MEIKIN: variants seen among roughly 807,000 people sequenced by gnomAD.
MEIKIN encodes meiosis-specific kinetochore protein.
chr5:131,932,679 T>C (rs971122666), intron 5 of MEIKIN, among the ~76,000 whole-genome samples: 2 of 152,192 alleles, frequency 1.3e-5, no homozygotes, highest in African/African-American at 4.8e-5. Context: ...TACCACAGTA[T>C]CCCTGCTATT....
At chr5:131,940,747 G>T (rs1016384051) in intron 4 of MEIKIN, among the ~76,000 whole-genome samples, 4 of 152,038 alleles carry the variant, frequency 2.6e-5, no homozygotes, top group African/African-American at 9.7e-5. Flanking sequence ...GGTGACATGG[G>T]GGCACTGCCC....
At chr5:131,809,098 T>C (rs528477503) in intron 12 of MEIKIN, among the ~76,000 whole-genome samples, 5 of 152,196 alleles carry the variant, frequency 3.3e-5, no homozygotes, top group East Asian at 1.9e-4. Context: ...TATACCTCTA[T>C]TGGGCTTGTT....
At chr5:131,822,274 G>A (rs781581279) in intron 11 of MEIKIN, among the ~76,000 whole-genome samples, 1 of 151,784 alleles carries the variant, frequency 6.6e-6, no homozygotes, top group Non-Finnish European at 1.5e-5. Context: ...GGAGAGTTTA[G>A]TCCATTTACA....
chr5:131,901,320 GCA>G (rs1751153607), intron 8 of MEIKIN, among the ~76,000 whole-genome samples: 2 of 152,056 alleles, frequency 1.3e-5, no homozygotes, highest in South Asian at 2.1e-4. Context: ...TGTACAGATG[GCA>G]CACAGAGTCC....
intron 8 of MEIKIN, among the ~76,000 whole-genome samples, chr5:131,885,697 T>G (rs1375212118): frequency 1.3e-5 from 2 of 152,110 alleles, no homozygotes; most frequent in Non-Finnish European, 2.9e-5. Context: ...AAGAAATAGC[T>G]AACTCTTCAG....
chr5:131,913,275 G>A (rs1751359665), intron 7 of MEIKIN, among the ~76,000 whole-genome samples: 2 of 152,196 alleles, frequency 1.3e-5, no homozygotes, highest in Admixed American at 6.5e-5. Flanking sequence ...TCCCTTTCAA[G>A]ATGATCATAA....
In MEIKIN at chr5:131,941,283, C is replaced by T. The variant is rs1166471544; in HGVS notation, c.349+1352G>A. Among the ~76,000 whole-genome samples the T allele has an allele frequency of 2.1e-5, 3 of 145,988 alleles. No individual in the cohort carries two copies. In the East Asian group the frequency reaches 5.9e-4, roughly 29 times the overall value. On this transcript the variant is annotated intron_variant, in intron 4 of 12. Transcript: ENST00000442687. ...AAGCGATTCTCTTGTCTCAGCCTCCCGAGTAGCTGGGATTACAGGCGCCTG... is the reference window on the plus strand; with the variant it reads ...AAGCGATTCTCTTGTCTCAGCCTCCTGAGTAGCTGGGATTACAGGCGCCTG...
rs554387684 is a variant in MEIKIN, at chr5:131,839,062, CATT to C, written c.975+12199_975+12201del. ...TTCTGGCATGTTTTATCTTTGTTCT[CATT>C]AGTTTCAAAGAACTTCTTGATTTCT... On this transcript the variant is annotated intron_variant, in intron 11 of 12. Transcript: ENST00000442687. 4.7e-3 allele frequency among the ~76,000 whole-genome samples: 722 copies of C among 152,284 alleles called. 4 individuals carry two copies. The highest frequency in any genetic ancestry group is 0.016 in the African/African-American group (685 of 41,568).
At chr5:131,875,548 TC>T (rs1159239899) in intron 9 of MEIKIN, among the ~76,000 whole-genome samples, 8 of 151,876 alleles carry the variant, frequency 5.3e-5, no homozygotes, top group African/African-American at 1.9e-4. Flanking sequence ...ATAATCAATA[TC>T]GTGAAAATGG....
intron 4 of MEIKIN, among the ~76,000 whole-genome samples, chr5:131,938,077 T>C (rs1048696292): frequency 6.6e-6 from 1 of 152,166 alleles, no homozygotes; most frequent in Non-Finnish European, 1.5e-5. Context: ...GTTAGAATCA[T>C]TGGACTCATC....
intron 8 of MEIKIN, among the ~76,000 whole-genome samples, chr5:131,892,533 A>G (rs998563744): frequency 2.0e-5 from 3 of 152,210 alleles, no homozygotes; most frequent in East Asian, 1.9e-4. Flanking sequence ...TGCATTCGTC[A>G]CGTAGTTCTT....
chr5:131,893,259 G>T (rs763310478), intron 8 of MEIKIN, among the ~76,000 whole-genome samples: 1 of 143,142 alleles, frequency 7.0e-6, no homozygotes, highest in Non-Finnish European at 1.5e-5. Context: ...CTTCCCAGCC[G>T]CTTTGTTTAC....
At position 131,827,889 on chromosome 5, in the gene MEIKIN, T is replaced by C. The variant is rs1749642219; in HGVS notation, c.976-9026A>G. 2.0e-5 allele frequency among the ~76,000 whole-genome samples: 3 copies of C among 152,074 alleles called. No individual in the cohort carries two copies. The Middle Eastern group carries it at 0.01, about 517-fold the overall frequency. On this transcript the variant is annotated intron_variant, in intron 11 of 12. Coordinates refer to ENST00000442687, the MANE Select transcript of MEIKIN (RefSeq NM_001303622.2). ...GGCTGTATTGCAACTATCAATAAAT[T>C]CCAAAATAATTTGCCAGGCATGGTG...
intron 8 of MEIKIN, among the ~76,000 whole-genome samples, chr5:131,910,282 A>C: frequency 6.6e-6 from 1 of 152,308 alleles, no homozygotes; most frequent in Middle Eastern, 3.4e-3. Context: ...CATGAATGAA[A>C]CTGAAGGTCA....
intron 8 of MEIKIN, among the ~76,000 whole-genome samples, chr5:131,898,642 C>T (rs899352827): frequency 2.0e-5 from 3 of 152,246 alleles, no homozygotes; most frequent in African/African-American, 7.2e-5. Context: ...GCGGAAGGCC[C>T]TCCCCATGCC....
intron 11 of MEIKIN, among the ~76,000 whole-genome samples, chr5:131,828,333 T>C (rs1416775851): frequency 6.6e-6 from 1 of 152,106 alleles, no homozygotes; most frequent in African/African-American, 2.4e-5. Flanking sequence ...CAGCTAATTT[T>C]TGTATTTTTT....
At chr5:131,912,292 TTATTATTATTATTA>T (rs925758798) in intron 7 of MEIKIN, among the ~76,000 whole-genome samples, 5 of 150,672 alleles carry the variant, frequency 3.3e-5, no homozygotes, top group Non-Finnish European at 7.4e-5. Flanking sequence ...GACAGATTGA[TTATTATTATTATTA>T]TATTATTATT....
chr5:131,812,395 C>T (rs1328111170), intron 12 of MEIKIN, among the ~76,000 whole-genome samples: 5 of 151,954 alleles, frequency 3.3e-5, no homozygotes, highest in Non-Finnish European at 7.4e-5. Context: ...TTTGGTGACA[C>T]ATATATACAT....
rs1449011858 is a variant in MEIKIN, at chr5:131,825,685, A to ACCT, written c.976-6823_976-6822insAGG. ...TACCATAAACCACATTGTTTGCATA[A>ACCT]ACTATCTGGCAAGGCCCAAGACCTC... On this transcript the variant is annotated intron_variant, in intron 11 of 12. Coordinates refer to ENST00000442687, the MANE Select transcript of MEIKIN (RefSeq NM_001303622.2). Among the ~76,000 whole-genome samples, 61 of 152,268 alleles carry ACCT rather than the reference A, an allele frequency of 4.0e-4. 1 individual carries two copies. Among genetic ancestry groups the ACCT allele is most frequent in the Non-Finnish European group, 8.2e-4 (56 of 68,002 alleles).
Sources: gnomAD v4.1 joint callset for allele counts (sites outside exome capture counted in the v4.1 genomes callset) on GRCh38, gnomAD v4.1.1 for gene constraint, MANE v1.5 for transcripts, NCBI Gene and HGNC (gene_info 2026-07-23, HGNC 2026-07-21) for gene names.